The following PRR5L variants were observed in gnomAD, a reference collection of about 807,000 sequenced individuals.
PRR5L encodes the protein proline-rich protein 5-like.
A neutral mutation model predicts 36.4 loss-of-function variants in PRR5L; 21 were observed. The observed-to-expected ratio is 0.58, with a 90% CI of 0.41 to 0.83. PRR5L has a LOEUF of 0.83. PRR5L is among the 40% of genes least tolerant of loss of function. The pLI is 0.00. For synonymous variants in PRR5L, 188 were observed against 197.0 expected (o/e 0.95, Z 0.38); for missense variants, 381 against 473.3 (o/e 0.80, Z 1.81).
chr11:36,433,058 C>A (rs958226311), intron 5 of PRR5L, among the ~76,000 whole-genome samples: 1 of 151,926 alleles, frequency 6.6e-6, no homozygotes, highest in Admixed American at 6.6e-5. Context: ...CTTATAAATA[C>A]CCAATAACCC....
intron 1 of PRR5L, among the ~76,000 whole-genome samples, chr11:36,298,428 A>G (rs1038594935): frequency 1.3e-5 from 2 of 152,196 alleles, no homozygotes; most frequent in African/African-American, 4.8e-5. Flanking sequence ...AGACAGTCCC[A>G]TATGGGGGTG....
At position 36,461,451 on chromosome 11, in the gene PRR5L, C is replaced by T. The variant is rs561882864; in HGVS notation, c.713-891C>T. Among the ~76,000 whole-genome samples, 289 of 152,064 alleles carry T rather than the reference C, an allele frequency of 1.9e-3. 1 individual carries two copies. The highest frequency in any genetic ancestry group is 2.9e-3 in the Non-Finnish European group (200 of 68,000). ...CACCCTGGCCAACATGGTGAAACCC[C>T]GTCTCTAGTAAAAATACAAAAATTA... is the stretch of plus-strand genomic sequence containing the variant. On this transcript the variant is annotated intron_variant, in intron 8 of 8. Coordinates refer to ENST00000530639, the MANE Select transcript of PRR5L (RefSeq NM_001160167.2).
intron 1 of PRR5L, among the ~76,000 whole-genome samples, chr11:36,381,007 T>A (rs1857358088): frequency 6.6e-6 from 1 of 152,234 alleles, no homozygotes; most frequent in African/African-American, 2.4e-5. Context: ...AATTATTTGT[T>A]CAATTTATTT....
intron 8 of PRR5L, among the ~76,000 whole-genome samples, chr11:36,459,728 C>T (rs111418516): frequency 1.3e-5 from 2 of 152,188 alleles, no homozygotes; most frequent in African/African-American, 4.8e-5. Flanking sequence ...TAAGTGCTAT[C>T]CTGTGTGTTA....
At chr11:36,302,605 G>A (rs1022192773) in intron 1 of PRR5L, among the ~76,000 whole-genome samples, 2 of 152,066 alleles carry the variant, frequency 1.3e-5, no homozygotes, top group East Asian at 1.9e-4. Context: ...AGGCAACATG[G>A]CGAAAACCCA....
intron 5 of PRR5L, among the ~76,000 whole-genome samples, chr11:36,435,742 A>T (rs1345849834): frequency 6.6e-6 from 1 of 152,202 alleles, no homozygotes; most frequent in East Asian, 1.9e-4. Flanking sequence ...GAAAATGTTC[A>T]TGCTAACTAT....
chr11:36,443,570 T>C (rs1858766962), intron 6 of PRR5L, among the ~76,000 whole-genome samples: 1 of 152,168 alleles, frequency 6.6e-6, no homozygotes, highest in South Asian at 2.1e-4. Context: ...ACAGGAGTGT[T>C]AAGAAGAGTA....
At chr11:36,389,947 T>C (rs1401508314) in intron 1 of PRR5L, among the ~76,000 whole-genome samples, 1 of 152,202 alleles carries the variant, frequency 6.6e-6, no homozygotes. Context: ...TCAGCAATGA[T>C]GCCTCACACA....
At chr11:36,338,696 T>G (rs999815217) in intron 1 of PRR5L, among the ~76,000 whole-genome samples, 1 of 152,186 alleles carries the variant, frequency 6.6e-6, no homozygotes, top group Non-Finnish European at 1.5e-5. Flanking sequence ...AATAAGATGT[T>G]GGACCACTCC....
At chr11:36,373,778 T>C (rs1857221446) in intron 1 of PRR5L, among the ~76,000 whole-genome samples, 1 of 145,814 alleles carries the variant, frequency 6.9e-6, no homozygotes, top group Non-Finnish European at 1.5e-5. Context: ...GAGGAGACTC[T>C]TTCATCTTTA....
chr11:36,343,215 T>TA (rs1265165985), intron 1 of PRR5L, among the ~76,000 whole-genome samples: 1 of 152,076 alleles, frequency 6.6e-6, no homozygotes, highest in Non-Finnish European at 1.5e-5. Flanking sequence ...TTTCAAATGT[T>TA]AAAAAAACAG....
At chr11:36,381,218 A>G (rs1044492282) in intron 1 of PRR5L, among the ~76,000 whole-genome samples, 1 of 152,070 alleles carries the variant, frequency 6.6e-6, no homozygotes, top group Non-Finnish European at 1.5e-5. Context: ...TACATTACCT[A>G]TTACAGAACT....
At chr11:36,441,898 G>C (rs1190266171) in intron 6 of PRR5L, among the ~76,000 whole-genome samples, 1 of 152,136 alleles carries the variant, frequency 6.6e-6, no homozygotes, top group Non-Finnish European at 1.5e-5. Context: ...AATGGTACCT[G>C]GGGCACTTTG....
chr11:36,387,600 A>C (rs552317959), intron 1 of PRR5L, among the ~76,000 whole-genome samples: 81 of 152,264 alleles, frequency 5.3e-4, no homozygotes, highest in African/African-American at 1.6e-3. Context: ...TATGGCTCCC[A>C]GGGTAGGGGC....
chr11:36,456,171 T>A (rs1859052882), intron 8 of PRR5L, among the ~76,000 whole-genome samples: 1 of 152,130 alleles, frequency 6.6e-6, no homozygotes, highest in Non-Finnish European at 1.5e-5. Flanking sequence ...GAAGCTGCCC[T>A]GTCTCAGGTA....
intron 1 of PRR5L, among the ~76,000 whole-genome samples, chr11:36,309,854 T>G (rs1856480251): frequency 7.8e-6 from 1 of 128,702 alleles, no homozygotes; most frequent in African/African-American, 2.8e-5. Flanking sequence ...ACACAGTCAC[T>G]TTTACAGTTC....
chr11:36,448,184 C>T (rs1858872435), intron 7 of PRR5L, among the ~76,000 whole-genome samples: 1 of 152,108 alleles, frequency 6.6e-6, no homozygotes, highest in South Asian at 2.1e-4. Flanking sequence ...GCCCTGCAGC[C>T]ATATGAGAAA....
intron 6 of PRR5L, among the ~76,000 whole-genome samples, chr11:36,441,872 C>G (rs4756320): frequency 0.63 from 95,940 of 151,934 alleles, 30,725 homozygotes; most frequent in Non-Finnish European, 0.67. Context: ...CTTGCTCCCT[C>G]CAGAGTAACA....
chr11:36,432,219 C>CACCTTTGAAGGTATATAT, intron 5 of PRR5L, among the ~76,000 whole-genome samples: 1 of 125,346 alleles, frequency 8.0e-6, no homozygotes, highest in East Asian at 2.3e-4. Flanking sequence ...GGCTGGTGGT[C>CACCTTTGAAGGTATATAT]ACCTTTGAAG....
Sources: allele counts gnomAD v4.1 joint callset (sites outside exome capture counted in the v4.1 genomes callset), GRCh38; gene constraint gnomAD v4.1.1; transcripts MANE v1.5; gene names NCBI Gene and HGNC (gene_info 2026-07-23, HGNC 2026-07-21).